Variants in BLTP3B observed in about 807,000 individuals in gnomAD.
BLTP3B encodes UHRF1 (ICBP90) binding protein 1-like.
At chr12:100,092,140 TC>T in the BLTP3B span, among the ~76,000 whole-genome samples, 1 of 152,290 alleles carries the variant, frequency 6.6e-6, no homozygotes, top group East Asian at 1.9e-4. Flanking sequence ...AAAATAGTCT[TC>T]TTTCTCTTTT....
At chr12:100,087,299 A>G in the BLTP3B span, among the ~76,000 whole-genome samples, 42 of 152,186 alleles carry the variant, frequency 2.8e-4, no homozygotes, top group African/African-American at 9.4e-4. Context: ...ATTTTAAAAC[A>G]AAATGGGCAA....
the BLTP3B span, chr12:100,092,922 A>G: frequency 1.2e-5 from 12 of 984,960 alleles, no homozygotes; most frequent in Non-Finnish European, 1.4e-5. Context: ...CCTTAAATCT[A>G]CTTCCTTCTG....
the BLTP3B span, among the ~76,000 whole-genome samples, chr12:100,076,363 C>G: frequency 6.8e-6 from 1 of 147,914 alleles, no homozygotes; most frequent in Non-Finnish European, 1.5e-5. Context: ...CTTACGTTTC[C>G]TCTTATATAA....
chr12:100,113,277 A>G, the BLTP3B span, among the ~76,000 whole-genome samples: 3 of 152,060 alleles, frequency 2.0e-5, no homozygotes, highest in East Asian at 5.8e-4. Flanking sequence ...GGAGTTCGAG[A>G]CCATCCTGGC....
At chr12:100,095,645 T>G in the BLTP3B span, 7 of 1,580,670 alleles carry the variant, frequency 4.4e-6, no homozygotes, top group Non-Finnish European at 6.0e-6. Context: ...TAAGTATTTT[T>G]CCTGTTAACT....
chr12:100,062,062 G>T, the BLTP3B span, among the ~76,000 whole-genome samples: 3 of 152,126 alleles, frequency 2.0e-5, no homozygotes, highest in Non-Finnish European at 2.9e-5. Context: ...TACACAGAAG[G>T]AAGACCATGT....
At chr12:100,067,463 G>GA in the BLTP3B span, among the ~76,000 whole-genome samples, 2 of 151,926 alleles carry the variant, frequency 1.3e-5, no homozygotes, top group South Asian at 2.1e-4. Flanking sequence ...ACCAAGAAGA[G>GA]AAAAAATCCA....
At chr12:100,062,805 T>C in the BLTP3B span, among the ~76,000 whole-genome samples, 1 of 151,570 alleles carries the variant, frequency 6.6e-6, no homozygotes, top group Non-Finnish European at 1.5e-5. Context: ...CTACAAAAAA[T>C]TTAAAATTAG....
At chr12:100,037,269 A>C in the BLTP3B span, 2 of 988,774 alleles carry the variant, frequency 2.0e-6, no homozygotes, top group Admixed American at 1.2e-4. Flanking sequence ...TCAATTCAGC[A>C]ATCTGTGTGA....
chr12:100,101,009 G>C, the BLTP3B span, among the ~76,000 whole-genome samples: 4 of 152,070 alleles, frequency 2.6e-5, no homozygotes, highest in Non-Finnish European at 4.4e-5. Context: ...ATAAAAACAA[G>C]AATTAGGAAG....
the BLTP3B span, among the ~76,000 whole-genome samples, chr12:100,057,157 G>A: frequency 4.2e-4 from 64 of 152,250 alleles, no homozygotes; most frequent in African/African-American, 1.3e-3. Context: ...CCAAATATAG[G>A]AGTCTCTGTA....
the BLTP3B span, chr12:100,059,425 A>G: frequency 6.2e-7 from 1 of 1,614,088 alleles, no homozygotes; most frequent in Non-Finnish European, 8.5e-7. Flanking sequence ...GAATGTCGAC[A>G]GTTTGGACAG....
chr12:100,039,309 G>A, the BLTP3B span, among the ~76,000 whole-genome samples: 1 of 150,664 alleles, frequency 6.6e-6, no homozygotes, highest in African/African-American at 2.5e-5. Flanking sequence ...AAACAATTAA[G>A]TAAAATTATA....
chr12:100,107,163 C>T, the BLTP3B span, among the ~76,000 whole-genome samples: 2 of 151,384 alleles, frequency 1.3e-5, no homozygotes, highest in Admixed American at 1.3e-4. Context: ...TGGCATGCGC[C>T]TATAATTCCA....
chr12:100,129,694 C>A, the BLTP3B span, among the ~76,000 whole-genome samples: 197 of 152,150 alleles, frequency 1.3e-3, no homozygotes, highest in African/African-American at 4.7e-3. Context: ...AAATGTACTA[C>A]TAAAATAAAG....
At chr12:100,074,472 G>T in the BLTP3B span, among the ~76,000 whole-genome samples, 349 of 151,936 alleles carry the variant, frequency 2.3e-3, 1 homozygote, top group African/African-American at 8.1e-3. Flanking sequence ...GGTGGCACAC[G>T]CCTGTAATCC....
At chr12:100,111,592 TG>T in the BLTP3B span, among the ~76,000 whole-genome samples, 2 of 150,678 alleles carry the variant, frequency 1.3e-5, no homozygotes, top group African/African-American at 5.0e-5. Flanking sequence ...GCTAGTTTTT[TG>T]TTTTTTTTTG....
the BLTP3B span, chr12:100,057,883 T>C: frequency 0.062 from 79,619 of 1,290,870 alleles, 2,789 homozygotes; most frequent in African/African-American, 0.08. Flanking sequence ...CAAAGTGTTT[T>C]CATATTTTGA....
the BLTP3B span, among the ~76,000 whole-genome samples, chr12:100,112,173 G>T: frequency 2.0e-5 from 3 of 152,172 alleles, no homozygotes; most frequent in Non-Finnish European, 4.4e-5. Flanking sequence ...TGAAAAATGA[G>T]GAGGATTAAA....
Sources: gnomAD v4.1 joint callset for allele counts (sites outside exome capture counted in the v4.1 genomes callset) on GRCh38, gnomAD v4.1.1 for gene constraint, MANE v1.5 for transcripts, NCBI Gene and HGNC (gene_info 2026-07-23, HGNC 2026-07-21) for gene names.